Variants in TMIGD1 observed in about 807,000 individuals in gnomAD.
The protein encoded by TMIGD1 is transmembrane and immunoglobulin domain containing 1.
Under a neutral mutation model 27.5 loss-of-function variants are expected in TMIGD1, and 29 were observed. The observed-to-expected ratio is 1.05, with a 90% CI of 0.78 to 1.44. The LOEUF (loss-of-function observed/expected upper bound fraction) is 1.44. TMIGD1 is among the 40% of genes most tolerant of loss of function. The pLI is 0.00. For synonymous variants in TMIGD1, 109 were observed against 110.3 expected, an observed-to-expected ratio of 0.99 and a Z score of 0.07; for missense variants, 334 against 310.6, an observed-to-expected ratio of 1.08 and a Z score of -0.57.
At chr17:30,317,308 G>T in intron 5 of TMIGD1, 75 bp from the exon 6 acceptor site, 1 of 1,545,084 alleles carries the variant, frequency 6.5e-7, no homozygotes, top group Non-Finnish European at 8.9e-7. Flanking sequence ...CATTAAGATG[G>T]CTCGAGGACA....
Position 30,316,395 on chromosome 17 carries a change from AAAC to A in TMIGD1, c.*289_*291del. 3.3e-6 allele frequency: 1 copy of A among 303,028 alleles called. No individual in the cohort carries two copies. Among genetic ancestry groups the A allele is most frequent in the Non-Finnish European group, 6.0e-6 (1 of 166,870 alleles). The allele number at this position is 303,028 out of a possible 1,614,324, so 18.8% of individuals were successfully genotyped here. ...CCCAAGTATCTCCTACCTAGAAAAA[AAAC>A]ACACTAAACAGTAAATGATTACCAA... On this transcript the variant is annotated 3_prime_UTR_variant, in exon 7 of 7. Transcript: ENST00000328886.
intron 4 of TMIGD1, among the ~76,000 whole-genome samples, chr17:30,321,255 C>G (rs1420455297): frequency 6.6e-6 from 1 of 151,838 alleles, no homozygotes; most frequent in Non-Finnish European, 1.5e-5. Context: ...CTGGGCCTCC[C>G]AAAGTGTTGC....
At chr17:30,321,910 C>T (rs2143145994) in intron 4 of TMIGD1, among the ~76,000 whole-genome samples, 1 of 152,228 alleles carries the variant, frequency 6.6e-6, no homozygotes, top group Admixed American at 6.5e-5. Flanking sequence ...CTCACTGCAG[C>T]GTCGACCTCT....
At chr17:30,324,567 G>C (rs770447864) in intron 4 of TMIGD1, among the ~76,000 whole-genome samples, 1 of 152,136 alleles carries the variant, frequency 6.6e-6, no homozygotes, top group African/African-American at 2.4e-5. Context: ...AAGCAGGATT[G>C]TTTCCTATAT....
rs778263303 is a variant in TMIGD1, at chr17:30,329,248, C to T, written c.361+3G>A. On this transcript the variant is annotated splice_donor_region_variant and intron_variant, in intron 3 of 6. Transcript: ENST00000328886. The stretch of plus-strand genomic sequence containing the variant: ...ACTAGCTGTTTCTTTTCCCCTCACT[C>T]ACAAGTAACATTCAGCACCACCGAA... The T allele has an allele frequency of 6.8e-6, 11 of 1,610,846 alleles. No homozygotes were observed. Among genetic ancestry groups the T allele is most frequent in the Admixed American group, 5.0e-5 (3 of 59,930 alleles).
Position 30,324,859 on chromosome 17 carries a change from T to C in TMIGD1, c.597A>G (p.Ser199=), listed in dbSNP as rs148543076. The C allele has an allele frequency of 7.9e-3, 12,808 of 1,614,192 alleles. 65 individuals are homozygous for C. Among genetic ancestry groups the C allele is most frequent in the Admixed American group, 0.013 (782 of 60,024 alleles). Residue 199 remains serine (S), a synonymous_variant, in exon 4 of 7, where the codon TCA becomes TCG. Coordinates refer to ENST00000328886, the MANE Select transcript of TMIGD1 (RefSeq NM_206832.3). Reference sequence around the variant, plus strand: ...AGTCCAAGCTCTCCGTTTTCAGAGATGACTTTGCAATACAACTGTAGGTTC... The same window carrying C: ...AGTCCAAGCTCTCCGTTTTCAGAGACGACTTTGCAATACAACTGTAGGTTC... ...DNGTYSCIAK[S]SLKTESLDFH...
intron 3 of TMIGD1, among the ~76,000 whole-genome samples, chr17:30,326,328 A>G (rs1437392702): frequency 6.6e-6 from 1 of 152,224 alleles, no homozygotes; most frequent in Non-Finnish European, 1.5e-5. Flanking sequence ...AAAAATTAGT[A>G]CATTTTAGAT....
chr17:30,323,272 G>C lies in TMIGD1; in HGVS notation c.640+1544C>G, dbSNP rs556246034. Among the ~76,000 whole-genome samples the C allele has an allele frequency of 2.6e-5, 4 of 152,284 alleles. No homozygotes were observed. In the South Asian group the frequency reaches 8.3e-4, roughly 32 times the overall value. On this transcript the variant is annotated intron_variant, in intron 4 of 6. Coordinates refer to ENST00000328886, the MANE Select transcript of TMIGD1 (RefSeq NM_206832.3). ...TGTTTTATGGTCTCATTTGTAACCA[G>C]ACCTGATATTTCCCTCCTATATTCA...
chr17:30,332,271 A>G, intron 1 of TMIGD1, 113 bp from the exon 2 acceptor site: 1 of 596,670 alleles, frequency 1.7e-6, no homozygotes, highest in Non-Finnish European at 3.0e-6. Context: ...CATCCCAGCT[A>G]TAACGGTACT....
chr17:30,329,180 A>G, intron 3 of TMIGD1, 71 bp downstream of exon 3: 1 of 1,556,664 alleles, frequency 6.4e-7, no homozygotes, highest in Middle Eastern at 2.3e-4. Context: ...ACCAAGACCT[A>G]GATTTCAACT....
chr17:30,322,486 CTATT>C (rs1909651208), intron 4 of TMIGD1, among the ~76,000 whole-genome samples: 2 of 152,212 alleles, frequency 1.3e-5, no homozygotes, highest in South Asian at 4.2e-4. Flanking sequence ...AGCTCTTACT[CTATT>C]TTTTTATTTT....
At chr17:30,325,799 C>T (rs537479444) in intron 3 of TMIGD1, among the ~76,000 whole-genome samples, 2 of 152,122 alleles carry the variant, frequency 1.3e-5, no homozygotes, top group Non-Finnish European at 2.9e-5. Context: ...GTCCTCCTCC[C>T]AGAAGGTGTT....
intron 4 of TMIGD1, among the ~76,000 whole-genome samples, chr17:30,324,233 G>T (rs1567849280): frequency 6.6e-6 from 1 of 152,148 alleles, no homozygotes; most frequent in Non-Finnish European, 1.5e-5. Flanking sequence ...TTTTGTATGA[G>T]CAAGAAATAT....
intron 4 of TMIGD1, 74 bp downstream of exon 4, chr17:30,324,742 G>T: frequency 6.7e-7 from 1 of 1,496,166 alleles, no homozygotes; most frequent in Non-Finnish European, 9.1e-7. Context: ...ATCATTTATT[G>T]TCACCAGAAA....
At chr17:30,320,170 T>C (rs1909572324) in intron 4 of TMIGD1, among the ~76,000 whole-genome samples, 1 of 152,024 alleles carries the variant, frequency 6.6e-6, no homozygotes, top group South Asian at 2.1e-4. Context: ...CCCGAGTAGC[T>C]GCAATTACAG....
chr17:30,320,812 G>A (rs776818529), intron 4 of TMIGD1, among the ~76,000 whole-genome samples: 4 of 152,120 alleles, frequency 2.6e-5, no homozygotes, highest in Non-Finnish European at 5.9e-5. Context: ...CCCTATGATT[G>A]CACCTATCAA....
intron 4 of TMIGD1, among the ~76,000 whole-genome samples, chr17:30,322,607 C>A (rs1001209345): frequency 7.9e-5 from 12 of 152,224 alleles, no homozygotes; most frequent in African/African-American, 2.7e-4. Flanking sequence ...TCAAGCAATT[C>A]TCCTGCCTCA....
chr17:30,331,985 T>C, intron 2 of TMIGD1, 67 bp downstream of exon 2: 1 of 1,038,760 alleles, frequency 9.6e-7, no homozygotes, highest in African/African-American at 1.6e-5. Flanking sequence ...CCAATGCCCA[T>C]TGATCACTTT....
At chr17:30,331,759 T>G (rs552640976) in intron 2 of TMIGD1, among the ~76,000 whole-genome samples, 3 of 152,204 alleles carry the variant, frequency 2.0e-5, no homozygotes, top group Admixed American at 2.0e-4. Flanking sequence ...AGGCTAATTT[T>G]TTGTATTTTT....
Sources: allele counts gnomAD v4.1 joint callset (sites outside exome capture counted in the v4.1 genomes callset), GRCh38; gene constraint gnomAD v4.1.1; transcripts MANE v1.5; gene names NCBI Gene and HGNC (gene_info 2026-07-23, HGNC 2026-07-21).